NTM: variants seen among roughly 807,000 people sequenced by gnomAD.
The protein encoded by NTM is IgLON family member 2.
A neutral mutation model predicts 42.1 loss-of-function variants in NTM; 13 were observed. The observed-to-expected ratio is 0.31, with a 90% CI of 0.20 to 0.49. The LOEUF is 0.49. Ranked by LOEUF, NTM falls within the 20% of genes least tolerant of loss-of-function variation. NTM has a pLI of 0.99. For missense variants in NTM, 373 were observed against 452.8 expected, an observed-to-expected ratio of 0.82 and a Z score of 1.60; for synonymous variants, 187 against 179.2, an observed-to-expected ratio of 1.04 and a Z score of -0.35.
intron 1 of NTM, among the ~76,000 whole-genome samples, chr11:131,555,969 C>A (rs569630299): frequency 6.6e-6 from 1 of 152,240 alleles, no homozygotes; most frequent in African/African-American, 2.4e-5. Context: ...TTGTTTATGA[C>A]CGAGAGGAAG....
chr11:131,745,771 A>G (rs2081747122), intron 1 of NTM, among the ~76,000 whole-genome samples: 1 of 152,254 alleles, frequency 6.6e-6, no homozygotes, highest in Non-Finnish European at 1.5e-5. Context: ...ATAAAGCATT[A>G]TACAAATATG....
chr11:131,938,274 G>C (rs1449786474), intron 2 of NTM, among the ~76,000 whole-genome samples: 1 of 152,232 alleles, frequency 6.6e-6, no homozygotes, highest in Non-Finnish European at 1.5e-5. Flanking sequence ...AAGGACTGTG[G>C]AGACGGGAAC....
chr11:131,952,423 G>A (rs1221116960), intron 2 of NTM, among the ~76,000 whole-genome samples: 1 of 152,110 alleles, frequency 6.6e-6, no homozygotes, highest in African/African-American at 2.4e-5. Context: ...ATGCACGTAT[G>A]TATATATTTA....
rs1448269654 is a variant in NTM, at chr11:132,336,821, C to T, written c.*1675C>T. 1.3e-5 allele frequency: 2 copies of T among 152,202 alleles called. No individual in the cohort carries two copies. The highest frequency in any genetic ancestry group is 2.9e-5 in the Non-Finnish European group (2 of 68,124). The allele number at this position is 152,202 out of a possible 1,614,324, so 9.4% of individuals were successfully genotyped here. The stretch of plus-strand genomic sequence containing the variant: ...TTAAAAAGTGTTCCATGTCCCTCTT[C>T]ACCTGGTGTGGTACCTCATTCTACA... On this transcript the variant is annotated 3_prime_UTR_variant, in exon 9 of 9. Transcript: ENST00000683400.
At chr11:131,634,491 C>A (rs1011492533) in intron 1 of NTM, among the ~76,000 whole-genome samples, 2 of 152,072 alleles carry the variant, frequency 1.3e-5, no homozygotes, top group Non-Finnish European at 2.9e-5. Context: ...CTAGCTTCTC[C>A]ATGACGCTAA....
At chr11:132,206,301 G>T (rs1409171960) in intron 3 of NTM, among the ~76,000 whole-genome samples, 1 of 152,074 alleles carries the variant, frequency 6.6e-6, no homozygotes, top group African/African-American at 2.4e-5. Context: ...AGGCATTCAC[G>T]CCCTTCCATC....
Position 131,712,181 on chromosome 11 carries a change from A to G in NTM, c.83-199383A>G, listed in dbSNP as rs879592871. ...AATAAAAATTAAAAAATTAAAAAAAAAAACAAAAAAAAACCCCAAAACAAA... is the reference window on the plus strand; with the variant it reads ...AATAAAAATTAAAAAATTAAAAAAAGAAACAAAAAAAAACCCCAAAACAAA... On this transcript the variant is annotated intron_variant, in intron 1 of 8. Coordinates refer to ENST00000683400, the MANE Select transcript of NTM (RefSeq NM_001352005.2). 5.0e-4 allele frequency among the ~76,000 whole-genome samples: 73 copies of G among 146,540 alleles called. 1 individual carries two copies. Among genetic ancestry groups the G allele is most frequent in the Non-Finnish European group, 9.1e-4 (61 of 66,810 alleles).
intron 4 of NTM, among the ~76,000 whole-genome samples, chr11:132,293,557 A>G (rs1015120022): frequency 3.3e-5 from 5 of 152,182 alleles, no homozygotes; most frequent in African/African-American, 1.2e-4. Context: ...AGCGGGTGTG[A>G]GACTACAGGA....
intron 4 of NTM, among the ~76,000 whole-genome samples, chr11:132,271,143 G>A (rs981919874): frequency 6.6e-6 from 1 of 152,064 alleles, no homozygotes; most frequent in Non-Finnish European, 1.5e-5. Context: ...AAAATTGCCT[G>A]TTCGGTTTAT....
At chr11:131,976,040 C>T (rs1346655681) in intron 2 of NTM, among the ~76,000 whole-genome samples, 1 of 152,064 alleles carries the variant, frequency 6.6e-6, no homozygotes, top group Admixed American at 6.6e-5. Context: ...ACCCAGTGGC[C>T]TTTGAATGCA....
At chr11:131,945,197 A>AG (rs1264664129) in intron 2 of NTM, among the ~76,000 whole-genome samples, 3 of 152,232 alleles carry the variant, frequency 2.0e-5, no homozygotes, top group Non-Finnish European at 2.9e-5. Flanking sequence ...GTGTAAAACA[A>AG]ACAGAGGCTG....
chr11:131,698,108 C>T (rs957403), intron 1 of NTM, among the ~76,000 whole-genome samples: 41,370 of 152,048 alleles, frequency 0.27, 7,577 homozygotes, highest in African/African-American at 0.52. Context: ...GTTCTTATTG[C>T]CCCCATGTTA....
chr11:131,397,297 G>A (rs1944669310), intron 1 of NTM, among the ~76,000 whole-genome samples: 1 of 152,030 alleles, frequency 6.6e-6, no homozygotes, highest in Non-Finnish European at 1.5e-5. Flanking sequence ...TCAGCTGAGA[G>A]GATCCCTCAG....
chr11:131,706,730 C>A (rs933287686), intron 1 of NTM, among the ~76,000 whole-genome samples: 1 of 151,810 alleles, frequency 6.6e-6, no homozygotes, highest in Non-Finnish European at 1.5e-5. Context: ...CATTTCTGAA[C>A]AATTAATGTG....
intron 1 of NTM, among the ~76,000 whole-genome samples, chr11:131,737,870 C>T (rs1422960986): frequency 6.6e-6 from 1 of 152,150 alleles, no homozygotes; most frequent in Admixed American, 6.5e-5. Flanking sequence ...TTGCCATTCT[C>T]TATATTTTCC....
chr11:132,273,093 G>T (rs1395269835), intron 4 of NTM, among the ~76,000 whole-genome samples: 1 of 151,826 alleles, frequency 6.6e-6, no homozygotes, highest in African/African-American at 2.4e-5. Context: ...CTAGTTTGTT[G>T]TGTGTTTTTT....
chr11:131,955,018 C>T (rs1163559084), intron 2 of NTM, among the ~76,000 whole-genome samples: 1 of 152,118 alleles, frequency 6.6e-6, no homozygotes, highest in Non-Finnish European at 1.5e-5. Flanking sequence ...TTCAGATGAA[C>T]ATCCTCATTG....
intron 1 of NTM, among the ~76,000 whole-genome samples, chr11:131,719,634 A>G (rs1331378448): frequency 6.6e-6 from 1 of 152,184 alleles, no homozygotes; most frequent in Non-Finnish European, 1.5e-5. Flanking sequence ...AAGCTGTTTC[A>G]TGCCTGTGAT....
chr11:131,996,525 A>G (rs2068059709), intron 2 of NTM, among the ~76,000 whole-genome samples: 1 of 152,140 alleles, frequency 6.6e-6, no homozygotes, highest in Non-Finnish European at 1.5e-5. Context: ...GATGCTACTC[A>G]AATCCCACCT....
Sources: gnomAD v4.1 joint callset for allele counts (sites outside exome capture counted in the v4.1 genomes callset) on GRCh38, gnomAD v4.1.1 for gene constraint, MANE v1.5 for transcripts, NCBI Gene and HGNC (gene_info 2026-07-23, HGNC 2026-07-21) for gene names.